Variants in SEPTIN10 observed in about 807,000 individuals in gnomAD.
SEPTIN10 encodes the protein septin-10.
A neutral mutation model predicts 54.8 loss-of-function variants in SEPTIN10; 66 were observed. The observed-to-expected ratio is 1.21, with a 90% CI of 0.99 to 1.48. The LOEUF (loss-of-function observed/expected upper bound fraction) is 1.48. Among genes scored for constraint, SEPTIN10 ranks in the 40% most tolerant of loss-of-function variants. The probability of loss-of-function intolerance (pLI) is 0.00; values close to 1 mark genes in which losing one functional copy is unlikely to be tolerated. For synonymous variants in SEPTIN10, 161 were observed against 181.0 expected, an observed-to-expected ratio of 0.89 and a Z score of 0.89; for missense variants, 620 against 545.6, an observed-to-expected ratio of 1.14 and a Z score of -1.36.
chr2:109,611,666 C>G (rs1319905296), intron 1 of SEPTIN10, among the ~76,000 whole-genome samples: 14 of 152,002 alleles, frequency 9.2e-5, no homozygotes. Context: ...GTGGCTGAGG[C>G]AGGAGGATCG....
At chr2:109,567,750 T>C in intron 6 of SEPTIN10, 65 bp downstream of exon 6, 1 of 1,439,552 alleles carries the variant, frequency 6.9e-7, no homozygotes, top group Non-Finnish European at 9.3e-7. Flanking sequence ...AGCAGCAATA[T>C]TACTCACAAA....
rs2106425702 is a variant in SEPTIN10, at chr2:109,613,874, G to A, written c.-47C>T. The A allele has an allele frequency of 8.1e-7, 1 of 1,230,956 alleles. No individual in the cohort carries two copies. Among genetic ancestry groups the A allele is most frequent in the Non-Finnish European group, 1.0e-6 (1 of 987,928 alleles). The allele number at this position is 1,230,956 out of a possible 1,614,324, so 76.3% of individuals were successfully genotyped here. On this transcript the variant is annotated 5_prime_UTR_variant, in exon 1 of 11. Coordinates refer to ENST00000397712, the MANE Select transcript of SEPTIN10 (RefSeq NM_144710.5). ...GAAGCGGCTGTATCAGCCCGGCCCC[G>A]AGCGGCTGGTCCCGGCGACGGCGGC...
At chr2:109,588,168 G>T (rs543808466) in intron 2 of SEPTIN10, among the ~76,000 whole-genome samples, 1 of 151,646 alleles carries the variant, frequency 6.6e-6, no homozygotes, top group African/African-American at 2.4e-5. Context: ...AAAAATGAAG[G>T]CAAAATGAAG....
chr2:109,612,346 T>G (rs1308727779), intron 1 of SEPTIN10, among the ~76,000 whole-genome samples: 3 of 152,172 alleles, frequency 2.0e-5, no homozygotes, highest in African/African-American at 7.2e-5. Context: ...AAAAAGGCAT[T>G]AAGGGATCCT....
intron 1 of SEPTIN10, among the ~76,000 whole-genome samples, 172 bp from the exon 2 acceptor site, chr2:109,593,291 G>A (rs1320318039): frequency 6.6e-6 from 1 of 152,052 alleles, no homozygotes; most frequent in Non-Finnish European, 1.5e-5. Flanking sequence ...TTTCTTGCTG[G>A]ATAGGTATCT....
intron 10 of SEPTIN10, chr2:109,545,404 C>A (rs756122856): frequency 1.4e-5 from 21 of 1,535,302 alleles, no homozygotes; most frequent in Non-Finnish European, 1.7e-5. Flanking sequence ...ACACGCCTTG[C>A]GATTATCATC....
At chr2:109,587,704 G>C (rs557453144) in intron 2 of SEPTIN10, among the ~76,000 whole-genome samples, 7 of 152,108 alleles carry the variant, frequency 4.6e-5, no homozygotes, top group Non-Finnish European at 4.4e-5. Flanking sequence ...ACAAGGTCAG[G>C]AGATTGAGAC....
chr2:109,563,445 C>T (rs1686170088), intron 8 of SEPTIN10, among the ~76,000 whole-genome samples: 1 of 152,150 alleles, frequency 6.6e-6, no homozygotes, highest in African/African-American at 2.4e-5. Flanking sequence ...GAAAAGGAAT[C>T]CTCAGTCTCA....
chr2:109,585,365 G>A (rs1428927555), intron 3 of SEPTIN10, 44 bp from the exon 4 acceptor site: 3 of 1,450,844 alleles, frequency 2.1e-6, no homozygotes, highest in Middle Eastern at 1.8e-4. Context: ...ATGAATGGCT[G>A]AAAAGAAATA....
At chr2:109,588,101 C>T (rs1266690972) in intron 2 of SEPTIN10, among the ~76,000 whole-genome samples, 2 of 151,286 alleles carry the variant, frequency 1.3e-5, no homozygotes, top group East Asian at 3.9e-4. Context: ...CTATAAAATG[C>T]CCCCCGCCAA....
chr2:109,593,410 T>TTTTTTTTC lies in SEPTIN10; in HGVS notation c.31-292_31-291insGAAAAAAA, dbSNP rs1694560062. 1.0e-4 allele frequency among the ~76,000 whole-genome samples: 5 copies of TTTTTTTTC among 48,576 alleles called. 1 individual carries two copies. The highest frequency in any genetic ancestry group is 5.3e-4 in the African/African-American group (5 of 9,364). 31.9% of individuals were successfully genotyped at this position (48,576 alleles called of 152,430 possible). A position where few individuals can be genotyped will look rare whatever the true frequency, so the allele number is the denominator to read the frequency against. On this transcript the variant is annotated intron_variant, in intron 1 of 10. Transcript: ENST00000397712. ...ATTTACAAGTAGAGAGAGAAAGAAC[T>TTTTTTTTC]TTTTTTTTTTTTTGAGACGGCATCT...
chr2:109,545,875 T>G, intron 10 of SEPTIN10, 175 bp downstream of exon 10: 1 of 1,448,182 alleles, frequency 6.9e-7, no homozygotes, highest in Non-Finnish European at 9.1e-7. Flanking sequence ...TTCTGGATGC[T>G]GGGGAAACAG....
chr2:109,590,046 ATATGTGTGTGTATATATAT>A (rs1693589840), intron 2 of SEPTIN10, among the ~76,000 whole-genome samples: 1 of 147,678 alleles, frequency 6.8e-6, no homozygotes, highest in Non-Finnish European at 1.5e-5. Flanking sequence ...ACACACATAT[ATATGTGTGTGTATATATAT>A]ACACACACAT....
intron 1 of SEPTIN10, chr2:109,613,031 T>C (rs1699600512): frequency 3.8e-6 from 2 of 521,262 alleles, no homozygotes; most frequent in Admixed American, 2.3e-5. Flanking sequence ...CAATGTTTAC[T>C]ATCAAAAATT....
chr2:109,553,301 T>A (rs1225705689), intron 8 of SEPTIN10, 82 bp from the exon 9 acceptor site: 39 of 1,464,102 alleles, frequency 2.7e-5, no homozygotes, highest in Non-Finnish European at 8.4e-6. Context: ...TCCCAACACT[T>A]TGGGAGGCCG....
In SEPTIN10 at chr2:109,588,850, TAAAAAAA is replaced by T. The variant is rs59135205; in HGVS notation, c.100-3019_100-3013del. On this transcript the variant is annotated intron_variant, in intron 2 of 10. Coordinates refer to ENST00000397712, the MANE Select transcript of SEPTIN10 (RefSeq NM_144710.5). ...AGTTAAAGCCTAGGTCAATTACTAT[TAAAAAAA>T]AAAAAAAAAAAGCGAAAGAGGTATA... 2.8e-3 allele frequency among the ~76,000 whole-genome samples: 310 copies of T among 111,448 alleles called. 2 individuals carry two copies. Among genetic ancestry groups the T allele is most frequent in the African/African-American group, 0.011 (294 of 27,928 alleles). 73.1% of individuals were successfully genotyped at this position (111,448 alleles called of 152,430 possible).
At chr2:109,584,962 C>T (rs1296685501) in intron 4 of SEPTIN10, among the ~76,000 whole-genome samples, 164 bp downstream of exon 4, 3 of 151,930 alleles carry the variant, frequency 2.0e-5, no homozygotes, top group Non-Finnish European at 2.9e-5. Flanking sequence ...TGTCAATGTG[C>T]TAATAAGAAC....
At chr2:109,581,448 C>CA (rs1025789214) in intron 4 of SEPTIN10, among the ~76,000 whole-genome samples, 3 of 144,368 alleles carry the variant, frequency 2.1e-5, no homozygotes, top group South Asian at 4.5e-4. Flanking sequence ...AAAAAAAAAA[C>CA]AAAAAAAATC....
intron 5 of SEPTIN10, among the ~76,000 whole-genome samples, chr2:109,572,586 A>G (rs527473477): frequency 9.5e-5 from 14 of 147,580 alleles, no homozygotes; most frequent in Non-Finnish European, 1.9e-4. Flanking sequence ...GGACAGGTAG[A>G]CTTCAGCTAA....
Sources: gnomAD v4.1 joint callset for allele counts (sites outside exome capture counted in the v4.1 genomes callset) on GRCh38, gnomAD v4.1.1 for gene constraint, MANE v1.5 for transcripts, NCBI Gene and HGNC (gene_info 2026-07-23, HGNC 2026-07-21) for gene names.